The following TRAPPC9 variants were observed in gnomAD, a reference collection of about 807,000 sequenced individuals.
TRAPPC9 encodes the protein trafficking protein particle complex subunit 9.
Under a neutral mutation model 124.0 loss-of-function variants are expected in TRAPPC9, and 83 were observed. The ratio of observed to expected loss-of-function variants is 0.67; its 90% CI spans 0.56 to 0.80. TRAPPC9 has a LOEUF of 0.80. Ranked by LOEUF, TRAPPC9 falls within the 30% of genes least tolerant of loss-of-function variation. The pLI is 0.00. For synonymous variants in TRAPPC9, 638 were observed against 617.5 expected, an observed-to-expected ratio of 1.03 and a Z score of -0.49; for missense variants, 1,302 against 1,508.3, an observed-to-expected ratio of 0.86 and a Z score of 2.27.
chr8:139,969,281 C>T (rs1835907897), intron 19 of TRAPPC9, among the ~76,000 whole-genome samples: 1 of 152,252 alleles, frequency 6.6e-6, no homozygotes, highest in African/African-American at 2.4e-5. Flanking sequence ...TTGGATGCCC[C>T]CGCCTCCTGT....
intron 9 of TRAPPC9, among the ~76,000 whole-genome samples, chr8:140,312,856 T>G (rs2066337392): frequency 6.6e-6 from 1 of 150,892 alleles, no homozygotes; most frequent in Non-Finnish European, 1.5e-5. Context: ...GCCTCCCAGG[T>G]TCAAGCAATC....
At chr8:139,893,788 A>G (rs887799273) in intron 20 of TRAPPC9, among the ~76,000 whole-genome samples, 1 of 152,232 alleles carries the variant, frequency 6.6e-6, no homozygotes, top group African/African-American at 2.4e-5. Flanking sequence ...GTCGGCACAC[A>G]CAGCCAGTAC....
chr8:140,173,876 C>T (rs962963397), intron 17 of TRAPPC9, among the ~76,000 whole-genome samples: 5 of 152,182 alleles, frequency 3.3e-5, no homozygotes, highest in Non-Finnish European at 5.9e-5. Context: ...CTCACTAGTA[C>T]GTGAAACTGG....
chr8:140,395,518 A>G (rs1258260286), intron 7 of TRAPPC9, among the ~76,000 whole-genome samples: 1 of 152,166 alleles, frequency 6.6e-6, no homozygotes, highest in East Asian at 1.9e-4. Context: ...CTCTTTTTAT[A>G]GACTATGGCT....
intron 21 of TRAPPC9, among the ~76,000 whole-genome samples, chr8:139,799,801 G>C (rs7827091): frequency 0.5 from 76,029 of 152,126 alleles, 19,366 homozygotes; most frequent in Non-Finnish European, 0.52. Flanking sequence ...AGTCCCACGG[G>C]CTGGGGCTCG....
upstream of TRAPPC9, chr8:140,458,397 C>T: frequency 6.3e-7 from 1 of 1,597,476 alleles, no homozygotes; most frequent in South Asian, 1.1e-5. Flanking sequence ...CACGGTACCC[C>T]CCGTGACTCC....
chr8:139,805,024 C>T (rs1823943477), intron 21 of TRAPPC9, among the ~76,000 whole-genome samples: 1 of 152,206 alleles, frequency 6.6e-6, no homozygotes, highest in Non-Finnish European at 1.5e-5. Flanking sequence ...TAAGCCCCCT[C>T]CCCTGGAGAG....
chr8:140,347,558 C>T (rs1158142535), intron 9 of TRAPPC9, among the ~76,000 whole-genome samples: 1 of 152,140 alleles, frequency 6.6e-6, no homozygotes, highest in Non-Finnish European at 1.5e-5. Flanking sequence ...CTGGGCCTCC[C>T]TGTTAGGCAA....
intron 20 of TRAPPC9, among the ~76,000 whole-genome samples, chr8:139,906,446 G>A (rs1285212834): frequency 2.0e-5 from 3 of 152,322 alleles, no homozygotes; most frequent in East Asian, 1.9e-4. Flanking sequence ...AGGAGTGCCC[G>A]GGGGTGCCCA....
In TRAPPC9 at chr8:140,439,061, A is replaced by T; in HGVS notation, c.721T>A (p.Trp241Arg). Residue 241 changes from tryptophan (W) to arginine (R), a missense_variant, in exon 3 of 23, where the codon TGG (tryptophan) becomes AGG (arginine). Physicochemically the swap from Trp to Arg is moderately radical, Grantham distance 101. Around this residue, in one of 3 missense-constraint regions of TRAPPC9, gnomAD observed 657 missense variants for 811.2 expected, o/e 0.81. Transcript: ENST00000438773. ...ELLRSVNDFLWLGAALEGLCS... is the reference protein window; with the variant it reads ...ELLRSVNDFLRLGAALEGLCS... ...CATCAGCTCATCTTACCTCCAAGCC[A>T]CAGAAAGTCATTCACAGAACGCAGC... 1 of 1,614,206 alleles carries T rather than the reference A, an allele frequency of 6.2e-7. No individual in the cohort carries two copies. Among genetic ancestry groups the T allele is most frequent in the Non-Finnish European group, 8.5e-7 (1 of 1,180,040 alleles).
chr8:140,240,050 A>G (rs62527484), intron 16 of TRAPPC9, among the ~76,000 whole-genome samples: 1,949 of 152,334 alleles, frequency 0.013, 19 homozygotes, highest in Non-Finnish European at 0.019. Flanking sequence ...AATAAAATTA[A>G]TTCCTGACCA....
upstream of TRAPPC9, chr8:140,457,869 G>C: frequency 9.5e-7 from 1 of 1,052,512 alleles, no homozygotes; most frequent in Non-Finnish European, 1.2e-6. Flanking sequence ...AAAGAGGAAG[G>C]AGGAGCGAGG....
At chr8:139,800,884 T>C (rs990089279) in intron 21 of TRAPPC9, among the ~76,000 whole-genome samples, 3 of 134,466 alleles carry the variant, frequency 2.2e-5, no homozygotes, top group Middle Eastern at 8.4e-3. Context: ...CCCTCTGGTA[T>C]CTTCCCGCCC....
At chr8:140,040,420 A>C (rs1286270490) in intron 17 of TRAPPC9, 1 of 152,254 alleles carries the variant, frequency 6.6e-6, no homozygotes. Context: ...TTTTAGACGG[A>C]GTCTCACTCA....
chr8:140,278,204 A>G (rs1226114180), intron 14 of TRAPPC9, among the ~76,000 whole-genome samples: 1 of 152,148 alleles, frequency 6.6e-6, no homozygotes, highest in African/African-American at 2.4e-5. Context: ...CCCGGGTTCA[A>G]GCGATTCTCC....
At chr8:140,444,763 C>T (rs1416803115) in intron 2 of TRAPPC9, among the ~76,000 whole-genome samples, 1 of 149,664 alleles carries the variant, frequency 6.7e-6, no homozygotes, top group African/African-American at 2.5e-5. Flanking sequence ...ACTTAGGAGG[C>T]AAGGCTGGAG....
At chr8:140,202,343 G>C (rs1400578907) in intron 17 of TRAPPC9, among the ~76,000 whole-genome samples, 5 of 151,936 alleles carry the variant, frequency 3.3e-5, no homozygotes, top group Non-Finnish European at 7.4e-5. Context: ...AAACAGAAAA[G>C]GGAAATAAAA....
At chr8:140,447,737 A>T (rs1462362403) in intron 2 of TRAPPC9, among the ~76,000 whole-genome samples, 1 of 152,134 alleles carries the variant, frequency 6.6e-6, no homozygotes, top group Non-Finnish European at 1.5e-5. Context: ...ACATCTGGAC[A>T]TTTCCTGTTG....
intron 9 of TRAPPC9, among the ~76,000 whole-genome samples, chr8:140,337,928 T>A (rs766655488): frequency 1.1e-4 from 16 of 152,164 alleles, no homozygotes; most frequent in Non-Finnish European, 2.4e-4. Context: ...CCCAGTGGAC[T>A]GAGCAGAGAG....
Sources: allele counts gnomAD v4.1 joint callset (sites outside exome capture counted in the v4.1 genomes callset), GRCh38; gene constraint gnomAD v4.1.1; regional missense constraint gnomAD v4.1.1; transcripts MANE v1.5; gene names NCBI Gene and HGNC (gene_info 2026-07-23, HGNC 2026-07-21).